The following PTPRD variants were observed in gnomAD, a reference collection of about 807,000 sequenced individuals.
PTPRD encodes protein tyrosine phosphatase receptor type D.
PTPRD carries 34 observed loss-of-function variants against 214.5 expected under a neutral mutation model. That is an observed-to-expected ratio of 0.16 (90% confidence interval 0.12 to 0.21). The LOEUF (loss-of-function observed/expected upper bound fraction) is 0.21. Among genes scored for constraint, PTPRD ranks in the 10% least tolerant of loss-of-function variants. PTPRD has a pLI of 1.00. For synonymous variants in PTPRD, 1,128 were observed against 845.7 expected (o/e 1.33, Z -5.79); for missense variants, 2,545 against 2,398.7 (o/e 1.06, Z -1.27).
At chr9:9,315,706 C>T (rs139124117) in intron 9 of PTPRD, among the ~76,000 whole-genome samples, 46 of 151,274 alleles carry the variant, frequency 3.0e-4, no homozygotes, top group African/African-American at 1.0e-3. Context: ...CTTGCCAGTA[C>T]ATAACCGTCT....
chr9:10,354,413 C>T (rs1277838022), intron 2 of PTPRD, among the ~76,000 whole-genome samples: 2 of 152,108 alleles, frequency 1.3e-5, no homozygotes, highest in Non-Finnish European at 2.9e-5. Flanking sequence ...ACTTTAGGTT[C>T]AAATTCCCAA....
intron 9 of PTPRD, among the ~76,000 whole-genome samples, chr9:9,200,223 A>G (rs895051751): frequency 6.6e-6 from 1 of 152,374 alleles, no homozygotes; most frequent in South Asian, 2.1e-4. Flanking sequence ...CAGAAATCAG[A>G]AAATTTGAGC....
At position 9,811,001 on chromosome 9, in the gene PTPRD, G is replaced by A. The variant is rs142215574; in HGVS notation, c.-367-44150C>T. Among the ~76,000 whole-genome samples, 131 of 152,126 alleles carry A rather than the reference G, an allele frequency of 8.6e-4. 2 individuals carry two copies. In the East Asian group the frequency reaches 0.021, roughly 25 times the overall value. On this transcript the variant is annotated intron_variant, in intron 5 of 45. Coordinates refer to ENST00000381196, the MANE Select transcript of PTPRD (RefSeq NM_002839.4). ...GTCTGTAATCCCAACACTTTGGGAG[G>A]CCTAGACGGGAGAATCACTTGAGGT...
chr9:8,489,146 T>G (rs1048280671), intron 27 of PTPRD, among the ~76,000 whole-genome samples: 2 of 152,196 alleles, frequency 1.3e-5, no homozygotes, highest in African/African-American at 2.4e-5. Flanking sequence ...TGGTACACAT[T>G]TGGATAAATC....
intron 11 of PTPRD, among the ~76,000 whole-genome samples, chr9:8,800,182 T>C (rs1362100818): frequency 1.3e-5 from 2 of 152,116 alleles, no homozygotes; most frequent in Non-Finnish European, 1.5e-5. Context: ...GCCTTTCTGA[T>C]GACTGCTGAA....
At chr9:8,741,522 A>G (rs2091915105) in intron 11 of PTPRD, among the ~76,000 whole-genome samples, 1 of 144,518 alleles carries the variant, frequency 6.9e-6, no homozygotes, top group South Asian at 2.2e-4. Context: ...GCCACTTTCC[A>G]CTCAAACAGA....
At chr9:8,506,875 A>C (rs2097552132) in intron 22 of PTPRD, among the ~76,000 whole-genome samples, 1 of 152,232 alleles carries the variant, frequency 6.6e-6, no homozygotes, top group African/African-American at 2.4e-5. Flanking sequence ...ACCAGGGTGG[A>C]AAAATTCATC....
At chr9:9,626,792 C>T (rs1454071751) in intron 7 of PTPRD, among the ~76,000 whole-genome samples, 1 of 152,146 alleles carries the variant, frequency 6.6e-6, no homozygotes, top group Non-Finnish European at 1.5e-5. Flanking sequence ...CCCAAATTAA[C>T]AATCCATACA....
intron 7 of PTPRD, among the ~76,000 whole-genome samples, chr9:9,598,570 A>G (rs906988951): frequency 7.9e-5 from 12 of 152,062 alleles, no homozygotes; most frequent in African/African-American, 2.9e-4. Context: ...ACTACTATAG[A>G]CCTACTATAG....
chr9:8,929,823 A>ATATATG (rs376005513), intron 11 of PTPRD, among the ~76,000 whole-genome samples: 3,813 of 32,782 alleles, frequency 0.12, 9 homozygotes, highest in East Asian at 0.18. Context: ...ATATATGTGT[A>ATATATG]TATATATGTG....
intron 7 of PTPRD, among the ~76,000 whole-genome samples, chr9:9,660,117 T>C (rs950747979): frequency 3.3e-5 from 5 of 152,108 alleles, no homozygotes; most frequent in Middle Eastern, 3.2e-3. Flanking sequence ...AATTTTTATA[T>C]GCTAACAGTA....
chr9:9,112,381 T>C (rs2099807293), intron 10 of PTPRD, among the ~76,000 whole-genome samples: 1 of 152,158 alleles, frequency 6.6e-6, no homozygotes, highest in African/African-American at 2.4e-5. Flanking sequence ...GCCTCTAACA[T>C]TCCTCATGAA....
chr9:10,043,675 T>C (rs553343174), intron 3 of PTPRD, among the ~76,000 whole-genome samples: 3 of 151,770 alleles, frequency 2.0e-5, no homozygotes, highest in African/African-American at 7.2e-5. Flanking sequence ...CACCTAAAGA[T>C]CAAAATGATA....
intron 11 of PTPRD, among the ~76,000 whole-genome samples, chr9:8,968,785 G>A (rs1030196178): frequency 6.6e-6 from 1 of 151,164 alleles, no homozygotes; most frequent in Non-Finnish European, 1.5e-5. Context: ...GTAAGTTTGT[G>A]TGACATAGAT....
intron 8 of PTPRD, among the ~76,000 whole-genome samples, chr9:9,421,833 A>C (rs1343500900): frequency 2.0e-5 from 3 of 152,092 alleles, no homozygotes; most frequent in African/African-American, 4.8e-5. Context: ...GCACTCAATA[A>C]TTCTTTCTTC....
chr9:8,657,631 T>C (rs2039617056), intron 12 of PTPRD, among the ~76,000 whole-genome samples: 1 of 152,238 alleles, frequency 6.6e-6, no homozygotes, highest in African/African-American at 2.4e-5. Flanking sequence ...CTGTGCTCTT[T>C]AGTTTAATTA....
intron 11 of PTPRD, among the ~76,000 whole-genome samples, chr9:8,750,595 G>A (rs544505524): frequency 2.6e-5 from 4 of 152,318 alleles, no homozygotes; most frequent in African/African-American, 9.6e-5. Context: ...CCCTAGAGAA[G>A]GGTGGGGCAT....
At chr9:9,482,903 T>A (rs2095478593) in intron 8 of PTPRD, among the ~76,000 whole-genome samples, 1 of 152,138 alleles carries the variant, frequency 6.6e-6, no homozygotes, top group Non-Finnish European at 1.5e-5. Flanking sequence ...TTAACTCAAA[T>A]GCTTCTAACA....
chr9:9,703,510 C>T (rs1297182161), intron 7 of PTPRD, among the ~76,000 whole-genome samples: 1 of 152,130 alleles, frequency 6.6e-6, no homozygotes, highest in African/African-American at 2.4e-5. Flanking sequence ...TCACCCCAGA[C>T]TTATGGAATC....
Sources: gnomAD v4.1 joint callset for allele counts (sites outside exome capture counted in the v4.1 genomes callset) on GRCh38, gnomAD v4.1.1 for gene constraint, MANE v1.5 for transcripts, NCBI Gene and HGNC (gene_info 2026-07-23, HGNC 2026-07-21) for gene names.